The following PPME1 variants were observed in gnomAD, a reference collection of about 807,000 sequenced individuals.
PPME1 encodes the protein testicular secretory protein Li 39.
A neutral mutation model predicts 56.9 loss-of-function variants in PPME1; 17 were observed. That is an observed-to-expected ratio of 0.30 (90% CI 0.20 to 0.45). The LOEUF is 0.45. PPME1 is among the 20% of genes least tolerant of loss of function. The probability of loss-of-function intolerance (pLI) is 1.00; values close to 1 mark genes in which losing one functional copy is unlikely to be tolerated. For synonymous variants in PPME1, 122 were observed against 156.2 expected (o/e 0.78, Z 1.63); for missense variants, 357 against 483.2 (o/e 0.74, Z 2.45).
At chr11:74,187,762 A>G (rs1363097088) in intron 1 of PPME1, among the ~76,000 whole-genome samples, 2 of 152,206 alleles carry the variant, frequency 1.3e-5, no homozygotes, top group Non-Finnish European at 2.9e-5. Context: ...GTGGAATAAC[A>G]ACATCCCCAG....
intron 1 of PPME1, among the ~76,000 whole-genome samples, chr11:74,186,922 A>G (rs1394268349): frequency 6.6e-6 from 1 of 152,132 alleles, no homozygotes; most frequent in African/African-American, 2.4e-5. Flanking sequence ...GTTAATTTTT[A>G]TGTATGATAT....
intron 1 of PPME1, among the ~76,000 whole-genome samples, chr11:74,199,896 A>G (rs952240682): frequency 3.9e-5 from 6 of 152,186 alleles, no homozygotes; most frequent in African/African-American, 1.4e-4. Context: ...ATTCACTACC[A>G]TGAGAACAGT....
intron 1 of PPME1, among the ~76,000 whole-genome samples, chr11:74,173,657 T>G (rs1469034897): frequency 6.6e-6 from 1 of 152,188 alleles, no homozygotes; most frequent in Non-Finnish European, 1.5e-5. Flanking sequence ...TTCTTGTGCC[T>G]CAGCCTCCCA....
chr11:74,171,418 C>G lies in PPME1; in HGVS notation c.-4C>G. The G allele has an allele frequency of 6.2e-7, 1 of 1,609,916 alleles. No homozygotes were observed. Among genetic ancestry groups the G allele is most frequent in the Non-Finnish European group, 8.5e-7 (1 of 1,178,256 alleles). ...TTTGACTACGTGCGTGCAGCCTCCC[C>G]TCGATGTCGGCCCTCGAAAAGAGCA... On this transcript the variant is annotated 5_prime_UTR_variant, in exon 1 of 14. Transcript: ENST00000328257.
intron 1 of PPME1, among the ~76,000 whole-genome samples, chr11:74,176,143 A>G (rs1339316661): frequency 6.6e-6 from 1 of 152,248 alleles, no homozygotes; most frequent in East Asian, 1.9e-4. Context: ...AAAGAATGAT[A>G]GCTAGTAGAT....
intron 3 of PPME1, among the ~76,000 whole-genome samples, chr11:74,209,266 T>G (rs1858409660): frequency 6.6e-6 from 1 of 151,964 alleles, no homozygotes; most frequent in Non-Finnish European, 1.5e-5. Context: ...GCTGCCACAC[T>G]AGCTATTTTT....
chr11:74,236,968 T>G (rs905089843), intron 8 of PPME1, among the ~76,000 whole-genome samples: 4 of 152,186 alleles, frequency 2.6e-5, no homozygotes. Flanking sequence ...TCAAAATAAG[T>G]AGATAGCAAT....
chr11:74,187,412 T>G (rs557002411), intron 1 of PPME1, among the ~76,000 whole-genome samples: 1 of 152,344 alleles, frequency 6.6e-6, no homozygotes, highest in Non-Finnish European at 1.5e-5. Context: ...TTTTAATTTC[T>G]TCAACAGTAT....
intron 1 of PPME1, among the ~76,000 whole-genome samples, chr11:74,202,015 C>T (rs1226951263): frequency 1.3e-5 from 2 of 152,160 alleles, no homozygotes; most frequent in African/African-American, 4.8e-5. Context: ...ATTTTTATTT[C>T]AGAAGATAGG....
At chr11:74,245,866 A>G (rs188824067) in intron 9 of PPME1, among the ~76,000 whole-genome samples, 10 of 152,276 alleles carry the variant, frequency 6.6e-5, no homozygotes, top group Admixed American at 6.5e-4. Context: ...AATAAAAAGT[A>G]AACTTGTAAT....
At position 74,251,712 on chromosome 11, in the gene PPME1, A is replaced by G; in HGVS notation, c.1139A>G (p.Gln380Arg). 1 of 1,613,978 alleles carries G rather than the reference A, an allele frequency of 6.2e-7. No individual in the cohort carries two copies. ...HRFAEPIGGF[Q>R]CVFPGC ...TTTGCAGAACCCATCGGTGGATTCC[A>G]GTGGTAAGGCGGGTACAAGGGTTTA... Residue 380 changes from glutamine to arginine, a missense_variant, in exon 13 of 14, where the codon CAG becomes CGG. Around this residue, in one of 2 missense-constraint regions of PPME1, gnomAD observed 182 missense variants for 293.8 expected, o/e 0.62. Coordinates refer to ENST00000328257, the MANE Select transcript of PPME1 (RefSeq NM_016147.3).
At chr11:74,205,973 T>C (rs1858317544) in intron 3 of PPME1, 1 of 152,222 alleles carries the variant, frequency 6.6e-6, no homozygotes, top group African/African-American at 2.4e-5. Context: ...CACTTCAACA[T>C]GTTGAAGTAA....
At chr11:74,239,959 T>C (rs752200603) in intron 9 of PPME1, among the ~76,000 whole-genome samples, 4 of 122,290 alleles carry the variant, frequency 3.3e-5, no homozygotes, top group Non-Finnish European at 4.8e-5. Context: ...TTTCTTTCCA[T>C]TTTTTTTTTT....
chr11:74,203,047 A>G (rs1000751957), intron 1 of PPME1, among the ~76,000 whole-genome samples: 8 of 152,092 alleles, frequency 5.3e-5, no homozygotes, highest in African/African-American at 1.7e-4. Flanking sequence ...GTATTTTTCT[A>G]TATACTACAA....
intron 3 of PPME1, chr11:74,205,669 T>C (rs1293179423): frequency 6.6e-6 from 1 of 152,218 alleles, no homozygotes; most frequent in Non-Finnish European, 1.5e-5. Context: ...GTTACACTTT[T>C]TTGTTTCCCA....
intron 3 of PPME1, among the ~76,000 whole-genome samples, chr11:74,207,597 T>C (rs1157876421): frequency 6.6e-6 from 1 of 152,238 alleles, no homozygotes; most frequent in Non-Finnish European, 1.5e-5. Context: ...AAGTTAGTGA[T>C]TGTAGTTGCT....
intron 1 of PPME1, among the ~76,000 whole-genome samples, chr11:74,171,999 G>C (rs1857255658): frequency 6.6e-6 from 1 of 152,160 alleles, no homozygotes; most frequent in Non-Finnish European, 1.5e-5. Flanking sequence ...TACTAGAAAA[G>C]CTGAGGGGGG....
At chr11:74,217,883 A>T (rs1159392702) in intron 3 of PPME1, among the ~76,000 whole-genome samples, 2 of 152,228 alleles carry the variant, frequency 1.3e-5, no homozygotes, top group Non-Finnish European at 2.9e-5. Context: ...AATGGCAAGG[A>T]TACTCACTTT....
intron 11 of PPME1, chr11:74,249,612 AT>A (rs1859601123): frequency 6.6e-6 from 1 of 152,236 alleles, no homozygotes; most frequent in Non-Finnish European, 1.5e-5. Context: ...TTCATCATTC[AT>A]TCGCTAAAGA....
Sources: allele counts gnomAD v4.1 joint callset (sites outside exome capture counted in the v4.1 genomes callset), GRCh38; gene constraint gnomAD v4.1.1; regional missense constraint gnomAD v4.1.1; transcripts MANE v1.5; gene names NCBI Gene and HGNC (gene_info 2026-07-23, HGNC 2026-07-21).